The following USP8 variants were observed in gnomAD, a reference collection of about 807,000 sequenced individuals.
The protein encoded by USP8 is ubiquitin carboxyl-terminal hydrolase 8.
Under a neutral mutation model 130.0 loss-of-function variants are expected in USP8, and 27 were observed. That is an observed-to-expected ratio of 0.21 (90% CI 0.15 to 0.29). The LOEUF is 0.29. Among genes scored for constraint, USP8 ranks in the 10% least tolerant of loss-of-function variants. The probability of loss-of-function intolerance (pLI) is 1.00; values close to 1 mark genes in which losing one functional copy is unlikely to be tolerated. For synonymous variants in USP8, 392 were observed against 444.1 expected (o/e 0.88, Z 1.48); for missense variants, 1,029 against 1,312.2 (o/e 0.78, Z 3.33).
intron 8 of USP8, among the ~76,000 whole-genome samples, chr15:50,474,874 T>C (rs540527859): frequency 2.6e-5 from 4 of 152,162 alleles, no homozygotes; most frequent in Non-Finnish European, 5.9e-5. Flanking sequence ...TTTGGGAGGC[T>C]GAGGCAGGTG....
At chr15:50,465,325 C>G (rs1239357834) in intron 7 of USP8, 134 bp downstream of exon 7, 1 of 558,204 alleles carries the variant, frequency 1.8e-6, no homozygotes, top group African/African-American at 2.0e-5. Context: ...AAATCTTTGC[C>G]TCTTTTTATG....
intron 1 of USP8, among the ~76,000 whole-genome samples, chr15:50,438,631 G>T (rs2050156770): frequency 6.6e-6 from 1 of 151,932 alleles, no homozygotes. Context: ...AAAATAAATG[G>T]ATATCAATGA....
At chr15:50,439,397 T>C (rs906209179) in intron 2 of USP8, among the ~76,000 whole-genome samples, 8 of 152,160 alleles carry the variant, frequency 5.3e-5, no homozygotes, top group Non-Finnish European at 8.8e-5. Flanking sequence ...CATACAGATA[T>C]GATCTCTAGG....
chr15:50,455,414 G>A (rs1016570181), intron 4 of USP8, among the ~76,000 whole-genome samples: 25 of 151,930 alleles, frequency 1.6e-4, no homozygotes, highest in African/African-American at 5.5e-4. Flanking sequence ...TTTTTATAGC[G>A]TCTATTATTT....
chr15:50,453,117 A>G (rs1282237601), intron 4 of USP8, among the ~76,000 whole-genome samples: 1 of 152,246 alleles, frequency 6.6e-6, no homozygotes, highest in East Asian at 1.9e-4. Context: ...AAGTGGGGGA[A>G]GTGAGCATAC....
chr15:50,439,363 A>G (rs537460033), intron 2 of USP8, among the ~76,000 whole-genome samples, 186 bp downstream of exon 2: 1 of 152,324 alleles, frequency 6.6e-6, no homozygotes, highest in Non-Finnish European at 1.5e-5. Context: ...GCTCATATGC[A>G]TATTATCTAC....
At chr15:50,465,992 CTTAAT>C (rs1339411583) in intron 7 of USP8, among the ~76,000 whole-genome samples, 4 of 152,184 alleles carry the variant, frequency 2.6e-5, no homozygotes, top group African/African-American at 9.6e-5. Context: ...CGAGTAAGGA[CTTAAT>C]TTAAATTTTT....
intron 14 of USP8, 91 bp downstream of exon 14, chr15:50,490,616 T>G: frequency 6.8e-7 from 1 of 1,477,826 alleles, no homozygotes; most frequent in Non-Finnish European, 9.0e-7. Context: ...GTCAGGGAGT[T>G]GGAAATTTCT....
In USP8 at chr15:50,477,474, T is replaced by A; in HGVS notation, c.1193T>A (p.Val398Glu). The A allele has an allele frequency of 6.2e-7, 1 of 1,613,672 alleles. No homozygotes were observed. The highest frequency in any genetic ancestry group is 8.5e-7 in the Non-Finnish European group (1 of 1,179,872). The change falls in exon 10 of 20, where the codon GTG becomes GAG. Residue 398 changes from valine (V) to glutamate (E), a missense_variant. By Grantham distance (121) the Val-to-Glu change is moderately radical (BLOSUM62 -2). Coordinates refer to ENST00000307179, the MANE Select transcript of USP8 (RefSeq NM_005154.5). ...KSDVSPIIQP[V>E]PSIKNVPQID... is the part of the protein sequence containing the mutation. ...GATGTTTCACCCATAATTCAGCCAG[T>A]GCCTAGTATAAAGAATGTTCCACAG...
intron 3 of USP8, among the ~76,000 whole-genome samples, chr15:50,445,597 G>C (rs1213295695): frequency 8.3e-6 from 1 of 120,362 alleles, no homozygotes; most frequent in Non-Finnish European, 1.7e-5. Flanking sequence ...CACGCCTGTA[G>C]TCCCAGCACT....
Position 50,439,193 on chromosome 15 carries a change from C to A in USP8, c.104+16C>A. The A allele has an allele frequency of 7.3e-7, 1 of 1,367,506 alleles. No homozygotes were observed. The allele number at this position is 1,367,506 out of a possible 1,614,324, so 84.7% of individuals were successfully genotyped here. On this transcript the variant is annotated intron_variant, in intron 2 of 19. Coordinates refer to ENST00000307179, the MANE Select transcript of USP8 (RefSeq NM_005154.5). ...GCACTAAGAGGTATGATGTATCCTT[C>A]GCTAGTTTGATTGAATCAAATATTA...
At chr15:50,468,078 G>C (rs2051250463) in intron 7 of USP8, among the ~76,000 whole-genome samples, 1 of 151,812 alleles carries the variant, frequency 6.6e-6, no homozygotes, top group East Asian at 1.9e-4. Flanking sequence ...TGGGATTACA[G>C]GCACGTGTCA....
Position 50,490,320 on chromosome 15 carries a change from C to T in USP8, c.2029C>T (p.His677Tyr). Reference protein sequence around the residue: ...RYYHSPTNTVHMYPPEMAPSS... With the variant: ...RYYHSPTNTVYMYPPEMAPSS... ...TTATCATTCACCCACCAACACTGTT[C>T]ATATGTACCCACCGGAAATGGCTCC... is the stretch of plus-strand genomic sequence containing the variant. The change falls in exon 14 of 20, where the codon CAT (histidine) becomes TAT (tyrosine). Residue 677 changes from histidine (H) to tyrosine (Y), a missense_variant. By Grantham distance (83) the His-to-Tyr change is moderately conservative. Around this residue, in one of 4 missense-constraint regions of USP8, gnomAD observed 486 missense variants for 522.0 expected, o/e 0.93. Coordinates refer to ENST00000307179, the MANE Select transcript of USP8 (RefSeq NM_005154.5). 1.2e-6 allele frequency: 2 copies of T among 1,613,634 alleles called. No homozygotes were observed. The highest frequency in any genetic ancestry group is 1.7e-6 in the Non-Finnish European group (2 of 1,179,926).
In USP8 at chr15:50,505,065, G is replaced by A. The variant is rs2052640678; in HGVS notation, c.*5977G>A. ...AGTAGTGATGGAGAATACGTGTTAA[G>A]AGGCATGAAAAATTGAATGAGAATA... On this transcript the variant is annotated 3_prime_UTR_variant, in exon 20 of 20. Coordinates refer to ENST00000307179, the MANE Select transcript of USP8 (RefSeq NM_005154.5). 6.6e-6 allele frequency: 1 copy of A among 152,024 alleles called. No individual in the cohort carries two copies. 9.4% of individuals were successfully genotyped at this position (152,024 alleles called of 1,614,324 possible).
At chr15:50,443,699 G>T (rs910206022) in intron 3 of USP8, among the ~76,000 whole-genome samples, 1 of 151,894 alleles carries the variant, frequency 6.6e-6, no homozygotes, top group African/African-American at 2.4e-5. Context: ...GGCCAGGCTG[G>T]TCTTGAACTC....
intron 3 of USP8, among the ~76,000 whole-genome samples, chr15:50,443,076 T>A (rs2050312477): frequency 6.6e-6 from 1 of 152,208 alleles, no homozygotes. Context: ...TCTCGCCCTG[T>A]CACCCAGGCT....
At chr15:50,465,305 G>T in intron 7 of USP8, 114 bp downstream of exon 7, 7 of 702,188 alleles carry the variant, frequency 1.0e-5, no homozygotes, top group East Asian at 8.3e-5. Context: ...TCTTTTCCTG[G>T]TAACTTTTTA....
At chr15:50,454,152 C>T (rs2141272144) in intron 4 of USP8, among the ~76,000 whole-genome samples, 1 of 152,236 alleles carries the variant, frequency 6.6e-6, no homozygotes, top group South Asian at 2.1e-4. Flanking sequence ...GCGTGAGCTA[C>T]CACACCCCGC....
intron 18 of USP8, chr15:50,498,384 C>A: frequency 1.8e-6 from 1 of 541,332 alleles, no homozygotes; most frequent in Non-Finnish European, 3.1e-6. Context: ...TGACCTTAGG[C>A]ACATCATTAA....
Sources: gnomAD v4.1 joint callset for allele counts (sites outside exome capture counted in the v4.1 genomes callset) on GRCh38, gnomAD v4.1.1 for gene constraint, gnomAD v4.1.1 regional missense constraint, MANE v1.5 for transcripts, NCBI Gene and HGNC (gene_info 2026-07-23, HGNC 2026-07-21) for gene names.